The following KTN1 variants were observed in gnomAD, a reference collection of about 807,000 sequenced individuals.
The protein encoded by KTN1 is kinectin 1.
In KTN1, 130 loss-of-function variants were observed where a neutral mutation model predicts 222.5. That is an observed-to-expected ratio of 0.58 (90% CI 0.51 to 0.68). The LOEUF (loss-of-function observed/expected upper bound fraction) is 0.68, where lower values mean the gene tolerates loss of function less well. KTN1 is among the 30% of genes least tolerant of loss of function. The pLI is 0.00. For synonymous variants in KTN1, 512 were observed against 496.3 expected (o/e 1.03, Z -0.42); for missense variants, 1,508 against 1,500.4 (o/e 1.01, Z -0.08).
At chr14:55,589,995 AAAAAC>A (rs150820677) in intron 1 of KTN1, among the ~76,000 whole-genome samples, 1 of 152,070 alleles carries the variant, frequency 6.6e-6, no homozygotes, top group Non-Finnish European at 1.5e-5. Flanking sequence ...TGTAATAAGT[AAAAAC>A]AAAACAAAAC....
intron 1 of KTN1, among the ~76,000 whole-genome samples, chr14:55,595,481 C>T (rs2034868127): frequency 1.3e-5 from 2 of 152,110 alleles, no homozygotes; most frequent in Non-Finnish European, 2.9e-5. Context: ...CAGGATAATA[C>T]AAATCTTACG....
At chr14:55,610,751 G>A (rs1025138207) in intron 1 of KTN1, among the ~76,000 whole-genome samples, 2 of 152,214 alleles carry the variant, frequency 1.3e-5, no homozygotes, top group African/African-American at 4.8e-5. Flanking sequence ...GCTTATGCAT[G>A]TTTGTAAGGA....
chr14:55,595,714 A>T (rs1216480729), intron 1 of KTN1, among the ~76,000 whole-genome samples: 1 of 152,236 alleles, frequency 6.6e-6, no homozygotes, highest in African/African-American at 2.4e-5. Flanking sequence ...AGCCATGTTC[A>T]GGATTTATCA....
In KTN1 at chr14:55,631,341, GATAT is replaced by G. The variant is rs56190231; in HGVS notation, c.1221+1269_1221+1272del. Among the ~76,000 whole-genome samples the G allele has an allele frequency of 5.5e-3, 630 of 114,704 alleles. 15 individuals carry two copies. Among genetic ancestry groups the G allele is most frequent in the South Asian group, 0.02 (69 of 3,496 alleles). 75.3% of individuals were successfully genotyped at this position (114,704 alleles called of 152,430 possible). On this transcript the variant is annotated intron_variant, in intron 7 of 43. Coordinates refer to ENST00000395314, the MANE Select transcript of KTN1 (RefSeq NM_001079521.2). ...CTAAAACTCACCTATTGATAAGGTT[GATAT>G]ATATATATATATATATATATATATG...
intron 30 of KTN1, among the ~76,000 whole-genome samples, chr14:55,659,238 T>C (rs1401178074): frequency 6.6e-6 from 1 of 152,048 alleles, no homozygotes; most frequent in Non-Finnish European, 1.5e-5. Context: ...TACCTTTGCA[T>C]GTTGATGTAT....
At chr14:55,601,692 G>A (rs1255584531) in intron 1 of KTN1, 2 of 151,886 alleles carry the variant, frequency 1.3e-5, no homozygotes, top group Admixed American at 6.6e-5. Context: ...TAAACATATA[G>A]AACTATGTAA....
chr14:55,630,403 T>C (rs532164354), intron 7 of KTN1, among the ~76,000 whole-genome samples: 228 of 152,318 alleles, frequency 1.5e-3, no homozygotes, highest in Non-Finnish European at 2.9e-3. Flanking sequence ...GTGTTAAATC[T>C]TTTAAATCAA....
At chr14:55,604,984 G>A (rs1021737401) in intron 1 of KTN1, among the ~76,000 whole-genome samples, 4 of 152,068 alleles carry the variant, frequency 2.6e-5, no homozygotes, top group Admixed American at 1.3e-4. Context: ...CTAGCTGGTC[G>A]TCCCATATTT....
At chr14:55,667,397 C>A in intron 34 of KTN1, 67 bp downstream of exon 34, 2 of 848,418 alleles carry the variant, frequency 2.4e-6, no homozygotes, top group Non-Finnish European at 3.8e-6. Flanking sequence ...TAAGCAACAT[C>A]ATTTGCACTC....
Position 55,650,593 on chromosome 14 carries a change from C to T in KTN1, c.2521C>T (p.Leu841=), listed in dbSNP as rs143976057. Residue 841 remains leucine, a synonymous_variant, in exon 24 of 44, where the codon CTA becomes TTA. Coordinates refer to ENST00000395314, the MANE Select transcript of KTN1 (RefSeq NM_001079521.2). ...GGATTTGAAACAGGAAATAAAGGCT[C>T]TAAAAGAAGAAATAGGAAATGTCCA... ...VQDLKQEIKA[L]KEEIGNVQLE... The T allele has an allele frequency of 3.1e-6, 5 of 1,612,334 alleles. No individual in the cohort carries two copies. In the African/African-American group the frequency reaches 5.3e-5, roughly 17 times the overall value.
At chr14:55,678,766 C>T in intron 42 of KTN1, 1 of 272,732 alleles carries the variant, frequency 3.7e-6, no homozygotes, top group South Asian at 5.4e-5. Context: ...GCTCTGCCTC[C>T]TGTCAGATCA....
intron 41 of KTN1, among the ~76,000 whole-genome samples, chr14:55,677,348 G>A (rs371784377): frequency 2.6e-5 from 4 of 151,826 alleles, no homozygotes; most frequent in East Asian, 1.9e-4. Flanking sequence ...GTGGTGGTGC[G>A]CACCTGCAGT....
intron 1 of KTN1, among the ~76,000 whole-genome samples, chr14:55,592,341 G>A (rs1285716727): frequency 3.9e-5 from 6 of 152,176 alleles, no homozygotes; most frequent in Admixed American, 1.3e-4. Flanking sequence ...GGGCTAAAAT[G>A]TGTTTATTTA....
At chr14:55,648,776 GT>G in intron 20 of KTN1, 25 bp from the exon 21 acceptor site, 1 of 1,475,736 alleles carries the variant, frequency 6.8e-7, no homozygotes, top group South Asian at 1.2e-5. Context: ...GTAAAATCAT[GT>G]TTTGCTTATG....
intron 29 of KTN1, among the ~76,000 whole-genome samples, chr14:55,657,099 G>A (rs2043563311): frequency 6.6e-6 from 1 of 152,158 alleles, no homozygotes. Flanking sequence ...CAAGGTTTGA[G>A]TCTACCACAT....
At chr14:55,679,854 G>C in intron 43 of KTN1, 169 bp downstream of exon 43, 1 of 690,264 alleles carries the variant, frequency 1.4e-6, no homozygotes, top group Non-Finnish European at 2.4e-6. Context: ...TCTATTTTGT[G>C]CATATCTTGA....
At chr14:55,618,671 C>CT (rs1416577240) in intron 4 of KTN1, among the ~76,000 whole-genome samples, 2 of 152,086 alleles carry the variant, frequency 1.3e-5, no homozygotes, top group African/African-American at 4.8e-5. Context: ...TCAGGAGGTG[C>CT]TTGATGCATG....
At chr14:55,673,832 G>A (rs552469779) in intron 40 of KTN1, 28 of 152,228 alleles carry the variant, frequency 1.8e-4, no homozygotes, top group African/African-American at 5.3e-4. Context: ...TTAGCTAAAT[G>A]TCTTAAAACA....
Position 55,664,022 on chromosome 14 carries a change from A to C in KTN1, c.3158A>C (p.Lys1053Thr). 6.2e-7 allele frequency: 1 copy of C among 1,611,478 alleles called. No individual in the cohort carries two copies. The highest frequency in any genetic ancestry group is 2.2e-5 in the East Asian group (1 of 44,720). The change falls in exon 33 of 44, where the codon AAA becomes ACA. Residue 1053 changes from lysine (K) to threonine (T), a missense_variant. By Grantham distance (78) the Lys-to-Thr change is moderately conservative. Coordinates refer to ENST00000395314, the MANE Select transcript of KTN1 (RefSeq NM_001079521.2). ...TCAACTGAAAAAATGCTGCAGGACAAAGTGAACAAGACTTCCAAGGTTGTA... is the reference window on the plus strand; with the variant it reads ...TCAACTGAAAAAATGCTGCAGGACACAGTGAACAAGACTTCCAAGGTTGTA... ...LASTEKMLQDKVNKTSKERQQ... is the reference protein window; with the variant it reads ...LASTEKMLQDTVNKTSKERQQ...
Sources: allele counts gnomAD v4.1 joint callset (sites outside exome capture counted in the v4.1 genomes callset), GRCh38; gene constraint gnomAD v4.1.1; transcripts MANE v1.5; gene names NCBI Gene and HGNC (gene_info 2026-07-23, HGNC 2026-07-21).